ARHGAP25: variants seen among roughly 807,000 people sequenced by gnomAD.
ARHGAP25 encodes the protein rho GTPase-activating protein 25.
ARHGAP25 carries 34 observed loss-of-function variants against 71.0 expected under a neutral mutation model. The observed-to-expected ratio is 0.48, with a 90% CI of 0.36 to 0.64. The LOEUF is 0.64. Among genes scored for constraint, ARHGAP25 ranks in the 30% least tolerant of loss-of-function variants. The probability of loss-of-function intolerance (pLI) is 0.00; values close to 1 mark genes in which losing one functional copy is unlikely to be tolerated. For synonymous variants in ARHGAP25, 282 were observed against 296.5 expected (o/e 0.95, Z 0.50); for missense variants, 706 against 805.1 (o/e 0.88, Z 1.49).
intron 4 of ARHGAP25, among the ~76,000 whole-genome samples, chr2:68,795,335 T>G (rs138003667): frequency 3.4e-3 from 515 of 152,292 alleles, no homozygotes; most frequent in African/African-American, 0.012. Context: ...TTCTTGCTTT[T>G]CTAGTTTCTT....
chr2:68,793,910 G>T (rs1329346066), intron 4 of ARHGAP25, among the ~76,000 whole-genome samples: 1 of 152,012 alleles, frequency 6.6e-6, no homozygotes, highest in Non-Finnish European at 1.5e-5. Flanking sequence ...GCATGAGCAT[G>T]GGATTTTTTT....
At chr2:68,715,957 G>A (rs1009257480) in intron 2 of ARHGAP25, among the ~76,000 whole-genome samples, 1 of 152,160 alleles carries the variant, frequency 6.6e-6, no homozygotes, top group Non-Finnish European at 1.5e-5. Flanking sequence ...TTATTCCATA[G>A]GTATTTTCAG....
At chr2:68,723,921 C>T (rs534131358) in intron 2 of ARHGAP25, among the ~76,000 whole-genome samples, 19 of 152,062 alleles carry the variant, frequency 1.2e-4, no homozygotes, top group African/African-American at 4.3e-4. Flanking sequence ...GGTTGCCTTG[C>T]TGGGGTGCAG....
intron 2 of ARHGAP25, among the ~76,000 whole-genome samples, chr2:68,716,116 T>C (rs77936151): frequency 0.016 from 2,407 of 152,322 alleles, 60 homozygotes; most frequent in African/African-American, 0.055. Context: ...CTTCCAGAAG[T>C]TAATGAAAAT....
intron 9 of ARHGAP25, among the ~76,000 whole-genome samples, chr2:68,820,162 T>A (rs1354415894): frequency 6.6e-6 from 1 of 152,190 alleles, no homozygotes; most frequent in Non-Finnish European, 1.5e-5. Flanking sequence ...AAATAAAATT[T>A]AAAAATGCTC....
chr2:68,762,078 C>T (rs537552965), intron 1 of ARHGAP25, among the ~76,000 whole-genome samples: 2 of 152,256 alleles, frequency 1.3e-5, no homozygotes, highest in East Asian at 3.9e-4. Context: ...CTGCAATATG[C>T]TATAGCACCG....
chr2:68,748,978 T>C (rs1675998964), intron 1 of ARHGAP25, among the ~76,000 whole-genome samples: 1 of 152,044 alleles, frequency 6.6e-6, no homozygotes, highest in Non-Finnish European at 1.5e-5. Flanking sequence ...CTCAGTTTTG[T>C]AGTATGGGCA....
At chr2:68,748,095 C>A (rs1263409315) in intron 1 of ARHGAP25, among the ~76,000 whole-genome samples, 1 of 152,190 alleles carries the variant, frequency 6.6e-6, no homozygotes, top group Non-Finnish European at 1.5e-5. Flanking sequence ...CCCGTGGGAT[C>A]AGGCCCCTTC....
intron 1 of ARHGAP25, chr2:68,775,012 T>C (rs910980596): frequency 6.8e-7 from 1 of 1,466,332 alleles, no homozygotes; most frequent in Non-Finnish European, 9.0e-7. Context: ...GTTTTATTCT[T>C]GGCCTGGCCC....
intron 1 of ARHGAP25, among the ~76,000 whole-genome samples, chr2:68,747,540 A>G (rs1445586532): frequency 4.6e-5 from 7 of 152,144 alleles, no homozygotes; most frequent in African/African-American, 1.7e-4. Context: ...TAAAACCTTT[A>G]AAGCCCTTTC....
At chr2:68,772,533 C>T (rs940025612) in intron 1 of ARHGAP25, among the ~76,000 whole-genome samples, 76 of 152,222 alleles carry the variant, frequency 5.0e-4, no homozygotes, top group African/African-American at 1.8e-3. Flanking sequence ...CCTCACTCTT[C>T]GATTTTCTCC....
intron 3 of ARHGAP25, among the ~76,000 whole-genome samples, chr2:68,783,963 G>A (rs572651034): frequency 2.0e-5 from 3 of 152,140 alleles, no homozygotes; most frequent in Non-Finnish European, 4.4e-5. Flanking sequence ...CAAAGCCTGG[G>A]TTTTCAATCT....
chr2:68,774,904 C>G, intron 1 of ARHGAP25: 2 of 1,369,780 alleles, frequency 1.5e-6, no homozygotes, highest in African/African-American at 1.5e-5. Context: ...TGGCCACTTC[C>G]TCTTCAGAAG....
intron 5 of ARHGAP25, among the ~76,000 whole-genome samples, chr2:68,811,225 A>G (rs776311944): frequency 1.3e-5 from 2 of 152,172 alleles, no homozygotes; most frequent in African/African-American, 4.8e-5. Context: ...GTGTGACTTT[A>G]GGATAATAGA....
intron 1 of ARHGAP25, among the ~76,000 whole-genome samples, chr2:68,760,610 A>G (rs1323787791): frequency 6.6e-6 from 1 of 152,098 alleles, no homozygotes; most frequent in African/African-American, 2.4e-5. Flanking sequence ...TAAATTAATT[A>G]GGAATTAACT....
At chr2:68,771,790 T>C (rs963593489) in intron 1 of ARHGAP25, among the ~76,000 whole-genome samples, 3 of 152,222 alleles carry the variant, frequency 2.0e-5, no homozygotes, top group Admixed American at 6.5e-5. Flanking sequence ...CCAGTGCTCA[T>C]AGTTACACAA....
At chr2:68,731,221 C>A (rs112922273), upstream of ARHGAP25, among the ~76,000 whole-genome samples, 1 of 152,030 alleles carries the variant, frequency 6.6e-6, no homozygotes, top group African/African-American at 2.4e-5. Flanking sequence ...CTAAGCCCAC[C>A]GTTTTCTCCT....
At chr2:68,790,442 G>A (rs770015920) in intron 4 of ARHGAP25, among the ~76,000 whole-genome samples, 10 of 152,170 alleles carry the variant, frequency 6.6e-5, no homozygotes, top group Admixed American at 3.3e-4. Context: ...GACAAATGAC[G>A]TGTCCCGTGG....
At chr2:68,788,373 G>A (rs188757241) in intron 4 of ARHGAP25, among the ~76,000 whole-genome samples, 7 of 152,328 alleles carry the variant, frequency 4.6e-5, no homozygotes, top group African/African-American at 1.4e-4. Context: ...GGGAACTGAT[G>A]GCAACAGCTA....
Sources: allele counts gnomAD v4.1 joint callset (sites outside exome capture counted in the v4.1 genomes callset), GRCh38; gene constraint gnomAD v4.1.1; transcripts MANE v1.5; gene names NCBI Gene and HGNC (gene_info 2026-07-23, HGNC 2026-07-21).